Variants in NDUFA5 observed in about 807,000 individuals in gnomAD.
NDUFA5 encodes NADH:ubiquinone oxidoreductase subunit A5, also known as NADH dehydrogenase [ubiquinone] 1 alpha subcomplex subunit 5.
A neutral mutation model predicts 19.8 loss-of-function variants in NDUFA5; 11 were observed. The observed-to-expected ratio is 0.56, with a 90% CI of 0.35 to 0.92. The LOEUF (loss-of-function observed/expected upper bound fraction) is 0.92. NDUFA5 is among the 40% of genes least tolerant of loss of function. The pLI is 0.01. For synonymous variants in NDUFA5, 47 were observed against 46.8 expected, an observed-to-expected ratio of 1.00 and a Z score of -0.01; for missense variants, 109 against 134.2, an observed-to-expected ratio of 0.81 and a Z score of 0.93.
chr7:123,584,518 T>C, the NDUFA5 span, among the ~76,000 whole-genome samples: 19 of 152,054 alleles, frequency 1.2e-4, no homozygotes, highest in African/African-American at 4.6e-4. Flanking sequence ...TAAATGTTTC[T>C]TAGTAGAATC....
the NDUFA5 span, among the ~76,000 whole-genome samples, chr7:123,570,294 C>A: frequency 1.3e-5 from 2 of 152,020 alleles, no homozygotes; most frequent in South Asian, 2.1e-4. Flanking sequence ...CCTCGGCCCC[C>A]CAAAGTGCTG....
chr7:123,578,903 G>T, the NDUFA5 span, among the ~76,000 whole-genome samples: 2 of 151,992 alleles, frequency 1.3e-5, no homozygotes, highest in Admixed American at 1.3e-4. Flanking sequence ...TACATGCAAG[G>T]TATTTTATTT....
the NDUFA5 span, among the ~76,000 whole-genome samples, chr7:123,591,658 C>T: frequency 6.6e-6 from 1 of 152,084 alleles, no homozygotes; most frequent in Non-Finnish European, 1.5e-5. Flanking sequence ...CCAACTTGAT[C>T]GTGGTGGATA....
chr7:123,566,423 G>A, the NDUFA5 span, among the ~76,000 whole-genome samples: 108 of 152,214 alleles, frequency 7.1e-4, no homozygotes, highest in Non-Finnish European at 1.3e-3. Flanking sequence ...AGCAACCCTA[G>A]AAAACTAATA....
chr7:123,568,722 G>T, the NDUFA5 span, among the ~76,000 whole-genome samples: 2 of 151,904 alleles, frequency 1.3e-5, no homozygotes, highest in Non-Finnish European at 2.9e-5. Context: ...TATTTTGTGG[G>T]ATTAAAATAA....
the NDUFA5 span, among the ~76,000 whole-genome samples, chr7:123,577,753 C>T: frequency 6.6e-6 from 1 of 152,146 alleles, no homozygotes; most frequent in African/African-American, 2.4e-5. Context: ...ACTAACTGTT[C>T]TCCATCCAGC....
chr7:123,556,812 G>A, intron 2 of NDUFA5: 1 of 496,388 alleles, frequency 2.0e-6, no homozygotes, highest in Non-Finnish European at 3.9e-6. Context: ...GATAATTGGT[G>A]AACTTGAAAA....
chr7:123,594,390 C>T, the NDUFA5 span, among the ~76,000 whole-genome samples: 3,938 of 152,220 alleles, frequency 0.026, 162 homozygotes, highest in African/African-American at 0.089. Context: ...AGCCTTTCTG[C>T]TCTGGTTTCT....
the NDUFA5 span, among the ~76,000 whole-genome samples, chr7:123,572,528 A>G: frequency 6.6e-6 from 1 of 151,816 alleles, no homozygotes; most frequent in Admixed American, 6.6e-5. Flanking sequence ...TCAGGTTCAT[A>G]TAAGTTTACC....
At chr7:123,557,868 G>C (rs879236276), upstream of NDUFA5, 1 of 1,587,702 alleles carries the variant, frequency 6.3e-7, no homozygotes. Flanking sequence ...GACCACCGAG[G>C]TCGCCACTCT....
At chr7:123,547,315 GCACACATTT>G (rs1056777206) in intron 3 of NDUFA5, among the ~76,000 whole-genome samples, 1 of 151,998 alleles carries the variant, frequency 6.6e-6, no homozygotes, top group Non-Finnish European at 1.5e-5. Context: ...CCCCACCATG[GCACACATTT>G]TCCTTGTTTT....
At chr7:123,597,104 C>A in the NDUFA5 span, among the ~76,000 whole-genome samples, 20 of 152,258 alleles carry the variant, frequency 1.3e-4, no homozygotes, top group African/African-American at 4.8e-4. Context: ...AAATATTAAA[C>A]GAAAAATCCT....
At chr7:123,550,334 A>T in intron 3 of NDUFA5, 136 bp downstream of exon 3, 2 of 640,280 alleles carry the variant, frequency 3.1e-6, no homozygotes, top group East Asian at 5.6e-5. Flanking sequence ...TTGCTGAATA[A>T]AAGGGAGGAA....
chr7:123,555,754 TACATTCTAGTAGAG>T (rs1798514036), intron 2 of NDUFA5: 1 of 152,232 alleles, frequency 6.6e-6, no homozygotes, highest in African/African-American at 2.4e-5. Flanking sequence ...TCATGAAACC[TACATTCTAGTAGAG>T]ACATAACAAA....
chr7:123,559,581 G>A (rs1268829273), upstream of NDUFA5, among the ~76,000 whole-genome samples: 1 of 152,110 alleles, frequency 6.6e-6, no homozygotes, highest in East Asian at 1.9e-4. Context: ...CTTCGGCTGG[G>A]CCTGGTGGCT....
chr7:123,560,892 A>T (rs904082690), upstream of NDUFA5, among the ~76,000 whole-genome samples: 3 of 152,234 alleles, frequency 2.0e-5, no homozygotes, highest in Non-Finnish European at 4.4e-5. Context: ...ATACAAAAAT[A>T]TGCTCTAGTC....
chr7:123,557,552 A>T, intron 1 of NDUFA5, 104 bp from the exon 2 acceptor site: 3 of 1,611,496 alleles, frequency 1.9e-6, no homozygotes, highest in Non-Finnish European at 2.5e-6. Flanking sequence ...AAACTGGTCT[A>T]AAGCCAGCTA....
the NDUFA5 span, among the ~76,000 whole-genome samples, chr7:123,599,475 A>T: frequency 2.6e-5 from 4 of 152,186 alleles, no homozygotes; most frequent in Non-Finnish European, 4.4e-5. Context: ...GCTGTTTTTT[A>T]AAATCCAGGC....
chr7:123,543,808 G>C lies in NDUFA5; in HGVS notation c.250-1588C>G, dbSNP rs561183122. ...GGCAACAGTATAAGGTTTGCGGCAA[G>C]TTCCCATAACACTGTATCTAGTACC... On this transcript the variant is annotated intron_variant, in intron 4 of 4. Transcript: ENST00000355749. 1.3e-3 allele frequency among the ~76,000 whole-genome samples: 201 copies of C among 152,244 alleles called. 1 individual carries two copies. Among genetic ancestry groups the C allele is most frequent in the Non-Finnish European group, 2.3e-3 (159 of 68,018 alleles).
Sources: gnomAD v4.1 joint callset for allele counts (sites outside exome capture counted in the v4.1 genomes callset) on GRCh38, gnomAD v4.1.1 for gene constraint, MANE v1.5 for transcripts, NCBI Gene and HGNC (gene_info 2026-07-23, HGNC 2026-07-21) for gene names.